Variants in SHLD2 observed in about 807,000 individuals in gnomAD.
SHLD2 encodes shieldin complex subunit 2, also known as RINN1-REV7-interacting novel NHEJ regulator 2.
In SHLD2, 30 loss-of-function variants were observed where a neutral mutation model predicts 73.2. The ratio of observed to expected loss-of-function variants is 0.41; its 90% CI spans 0.31 to 0.56. SHLD2 has a LOEUF of 0.56. Among genes scored for constraint, SHLD2 ranks in the 20% least tolerant of loss-of-function variants. SHLD2 has a pLI of 0.28. For missense variants in SHLD2, 745 were observed against 1,055.9 expected (o/e 0.71, Z 4.08); for synonymous variants, 285 against 370.1 (o/e 0.77, Z 2.64).
chr10:87,178,434 G>A (rs888892871), intron 7 of SHLD2, among the ~76,000 whole-genome samples: 1 of 151,322 alleles, frequency 6.6e-6, no homozygotes, highest in African/African-American at 2.4e-5. Flanking sequence ...AATTTTTTAG[G>A]CCAGACACAT....
intron 2 of SHLD2, among the ~76,000 whole-genome samples, chr10:87,125,353 G>A (rs1050304142): frequency 4.6e-5 from 7 of 152,104 alleles, no homozygotes; most frequent in Non-Finnish European, 1.0e-4. Context: ...GACTTCTTTT[G>A]TTAGGTGAAT....
At chr10:87,113,005 T>G (rs1330531225) in intron 2 of SHLD2, among the ~76,000 whole-genome samples, 1 of 152,070 alleles carries the variant, frequency 6.6e-6, no homozygotes, top group Non-Finnish European at 1.5e-5. Context: ...ACAACCTAAA[T>G]GTAGATCAGC....
intron 2 of SHLD2, among the ~76,000 whole-genome samples, chr10:87,127,936 C>A (rs893049631): frequency 1.3e-5 from 2 of 152,010 alleles, no homozygotes; most frequent in Non-Finnish European, 2.9e-5. Flanking sequence ...CCCTCTAATT[C>A]ATTTTTATGT....
At chr10:87,165,850 G>C (rs1847159371) in intron 4 of SHLD2, among the ~76,000 whole-genome samples, 1 of 152,156 alleles carries the variant, frequency 6.6e-6, no homozygotes, top group Non-Finnish European at 1.5e-5. Context: ...AGTCGACATA[G>C]TGAGGAATAT....
At chr10:87,170,434 A>G (rs1301688111) in intron 4 of SHLD2, 44 bp from the exon 5 acceptor site, 32 of 1,276,654 alleles carry the variant, frequency 2.5e-5, no homozygotes, top group Non-Finnish European at 3.5e-5. Context: ...AGAAAAATAT[A>G]ATGTTGCCAT....
At chr10:87,162,627 G>A (rs1331100868) in intron 4 of SHLD2, among the ~76,000 whole-genome samples, 1 of 152,100 alleles carries the variant, frequency 6.6e-6, no homozygotes, top group Admixed American at 6.5e-5. Context: ...CCAGGAGGTC[G>A]AGGCTGCAGT....
chr10:87,115,893 G>A (rs540100493), intron 2 of SHLD2, among the ~76,000 whole-genome samples: 27 of 152,258 alleles, frequency 1.8e-4, no homozygotes, highest in African/African-American at 6.5e-4. Context: ...GGAAGGAGGA[G>A]TAGGAATTAT....
At chr10:87,149,919 T>A (rs1845891214) in intron 2 of SHLD2, among the ~76,000 whole-genome samples, 1 of 152,074 alleles carries the variant, frequency 6.6e-6, no homozygotes, top group Non-Finnish European at 1.5e-5. Flanking sequence ...TTTTAGTTTT[T>A]AAATATTTTT....
intron 4 of SHLD2, among the ~76,000 whole-genome samples, chr10:87,165,594 C>G (rs1847141686): frequency 6.6e-6 from 1 of 152,054 alleles, no homozygotes; most frequent in African/African-American, 2.4e-5. Flanking sequence ...AATAATTGAT[C>G]AGGATTCTTC....
At chr10:87,144,281 C>T (rs1297487744) in intron 2 of SHLD2, among the ~76,000 whole-genome samples, 3 of 152,094 alleles carry the variant, frequency 2.0e-5, no homozygotes, top group East Asian at 1.9e-4. Flanking sequence ...GAGAAATTCC[C>T]GTTGTATTGC....
At chr10:87,101,510 T>C (rs1842264114) in intron 2 of SHLD2, among the ~76,000 whole-genome samples, 1 of 152,234 alleles carries the variant, frequency 6.6e-6, no homozygotes, top group Non-Finnish European at 1.5e-5. Flanking sequence ...ATCCTCCTGC[T>C]GCAGCCTCCT....
rs770788063 is a variant in SHLD2 at position 87,151,362 on chromosome 10, G to A, written c.8G>A (p.Gly3Glu). MS[G>E]GSQVHIFWGA... Reference sequence around the variant, plus strand: ...TCATTTTTATCAGAAATCATGAGTGGAGGATCTCAAGTCCACATTTTTTGG... The same window carrying A: ...TCATTTTTATCAGAAATCATGAGTGAAGGATCTCAAGTCCACATTTTTTGG... The change falls in exon 3 of 10, where the codon GGA becomes GAA. Residue 3 changes from glycine (G) to glutamate (E), a missense_variant. Physicochemically the swap from Gly to Glu is moderately conservative, Grantham distance 98. Coordinates refer to ENST00000298786, the MANE Select transcript of SHLD2 (RefSeq NM_001330112.2). 1.3e-6 allele frequency: 2 copies of A among 1,540,726 alleles called. No homozygotes were observed. The highest frequency in any genetic ancestry group is 1.7e-6 in the Non-Finnish European group (2 of 1,147,472).
chr10:87,157,131 A>C (rs1434105620), intron 3 of SHLD2, among the ~76,000 whole-genome samples: 2 of 152,170 alleles, frequency 1.3e-5, no homozygotes, highest in Non-Finnish European at 2.9e-5. Flanking sequence ...GTTGGGCGCT[A>C]TGAAAGGAAA....
At chr10:87,104,949 A>G (rs902565027) in intron 2 of SHLD2, among the ~76,000 whole-genome samples, 2 of 151,542 alleles carry the variant, frequency 1.3e-5, no homozygotes, top group Non-Finnish European at 2.9e-5. Flanking sequence ...GAGCCACCAC[A>G]CCCAGCCACT....
intron 3 of SHLD2, among the ~76,000 whole-genome samples, chr10:87,157,554 T>A (rs1846521565): frequency 1.3e-5 from 2 of 152,214 alleles, no homozygotes; most frequent in Admixed American, 6.5e-5. Context: ...CTTTCACTTT[T>A]AACTTATGTG....
At chr10:87,185,331 T>C (rs2134747857) in intron 8 of SHLD2, among the ~76,000 whole-genome samples, 1 of 152,278 alleles carries the variant, frequency 6.6e-6, no homozygotes, top group East Asian at 1.9e-4. Context: ...GACAATTGGG[T>C]TGTTTCTACT....
intron 2 of SHLD2, among the ~76,000 whole-genome samples, chr10:87,147,870 CTTT>C (rs1187680597): frequency 7.0e-6 from 1 of 143,592 alleles, no homozygotes; most frequent in African/African-American, 2.5e-5. Context: ...GCTCCTATCA[CTTT>C]TTTTTTTTTT....
At position 87,152,603 on chromosome 10, in the gene SHLD2, C is replaced by T. The variant is rs142798867; in HGVS notation, c.1249C>T (p.Arg417Trp). 30 of 1,606,488 alleles carry T rather than the reference C, an allele frequency of 1.9e-5. 1 individual carries two copies. Among genetic ancestry groups the T allele is most frequent in the African/African-American group, 1.7e-4 (13 of 74,302 alleles). The change falls in exon 3 of 10, where the codon CGG (arginine) becomes TGG (tryptophan). Residue 417 changes from arginine (R) to tryptophan (W), a missense_variant. Physicochemically the swap from Arg to Trp is moderately radical, Grantham distance 101 (BLOSUM62 -3). Transcript: ENST00000298786. ...AGGAGATTCTGCTGTAGAAATGGAT[C>T]GGAGAAATGTGTCTGAATTTAAGAG... ...NGGDSAVEMDRRNVSEFKSIK... is the reference protein window; with the variant it reads ...NGGDSAVEMDWRNVSEFKSIK...
intron 2 of SHLD2, among the ~76,000 whole-genome samples, chr10:87,147,746 C>T: frequency 6.6e-6 from 1 of 152,028 alleles, no homozygotes; most frequent in Non-Finnish European, 1.5e-5. Flanking sequence ...TTGTGATTAA[C>T]TGTAGTCCTA....
Sources: gnomAD v4.1 joint callset for allele counts (sites outside exome capture counted in the v4.1 genomes callset) on GRCh38, gnomAD v4.1.1 for gene constraint, MANE v1.5 for transcripts, NCBI Gene and HGNC (gene_info 2026-07-23, HGNC 2026-07-21) for gene names.